ITGBL1: variants seen among roughly 807,000 people sequenced by gnomAD.
ITGBL1 encodes the protein integrin beta-like protein 1.
In ITGBL1, 51 loss-of-function variants were observed where a neutral mutation model predicts 68.5. The observed-to-expected ratio is 0.74, with a 90% CI of 0.59 to 0.94. The LOEUF is 0.94. Ranked by LOEUF, ITGBL1 falls within the 40% of genes least tolerant of loss-of-function variation. The pLI is 0.00. For missense variants in ITGBL1, 649 were observed against 647.4 expected, an observed-to-expected ratio of 1.00 and a Z score of -0.03; for synonymous variants, 209 against 227.3, an observed-to-expected ratio of 0.92 and a Z score of 0.72.
rs1250356017 is a variant in ITGBL1, at chr13:101,692,712, T to C, written c.1132+11T>C. On this transcript the variant is annotated intron_variant, in intron 8 of 10. Coordinates refer to ENST00000376180, the MANE Select transcript of ITGBL1 (RefSeq NM_004791.3). ...GTGTGGTCTGTGGAGGTAGTAACCT[T>C]TCTCATAGCTGTATGCTACCTGCAT... The C allele has an allele frequency of 6.4e-7, 1 of 1,552,698 alleles. No homozygotes were observed. The highest frequency in any genetic ancestry group is 8.9e-7 in the Non-Finnish European group (1 of 1,124,272).
At chr13:101,533,040 C>T (rs568371491) in intron 2 of ITGBL1, among the ~76,000 whole-genome samples, 5 of 152,278 alleles carry the variant, frequency 3.3e-5, no homozygotes, top group Non-Finnish European at 7.4e-5. Flanking sequence ...ATAGGACATA[C>T]TTCTAGGATT....
chr13:101,626,743 T>C (rs1481952878), intron 7 of ITGBL1, among the ~76,000 whole-genome samples: 1 of 152,236 alleles, frequency 6.6e-6, no homozygotes, highest in Non-Finnish European at 1.5e-5. Context: ...TTTTTATTGA[T>C]GTTAATGTGC....
chr13:101,491,785 C>T (rs1044743435), intron 2 of ITGBL1, among the ~76,000 whole-genome samples: 2 of 152,078 alleles, frequency 1.3e-5, no homozygotes, highest in Non-Finnish European at 2.9e-5. Flanking sequence ...AGCCCTCCAC[C>T]CCCTGACAGG....
intron 7 of ITGBL1, among the ~76,000 whole-genome samples, chr13:101,671,433 T>TTTG (rs1555365700): frequency 1.1e-4 from 8 of 71,780 alleles, no homozygotes; most frequent in Non-Finnish European, 1.7e-4. Context: ...TTTGTTTTTT[T>TTTG]TTTGTTTTTT....
In ITGBL1 at chr13:101,453,963, C is replaced by T; in HGVS notation, c.179C>T (p.Ala60Val). The change falls in exon 2 of 11, where the codon GCC (alanine) becomes GTC (valine). Residue 60 changes from alanine to valine, a missense_variant. Ala to Val is a moderately conservative substitution (Grantham distance 64, BLOSUM62 0). Coordinates refer to ENST00000376180, the MANE Select transcript of ITGBL1 (RefSeq NM_004791.3). ...RCRAPGQPPG[A>V]ALCHGRGRCD... ...CGCGCACCTGGGCAGCCCCCGGGGG[C>T]CGCGCTGTGCCACGGCCGGGGCCGC... The T allele has an allele frequency of 1.3e-6, 2 of 1,509,800 alleles. No individual in the cohort carries two copies. Among genetic ancestry groups the T allele is most frequent in the Admixed American group, 2.1e-5 (1 of 47,512 alleles). The allele number at this position is 1,509,800 out of a possible 1,614,324, so 93.5% of individuals were successfully genotyped here. A position where few individuals can be genotyped will look rare whatever the true frequency, so the allele number is the denominator to read the frequency against.
At position 101,716,021 on chromosome 13, in the gene ITGBL1, C is replaced by T. The variant is rs1223500213; in HGVS notation, c.*367C>T. On this transcript the variant is annotated 3_prime_UTR_variant, in exon 11 of 11. Coordinates refer to ENST00000376180, the MANE Select transcript of ITGBL1 (RefSeq NM_004791.3). ...AGGCCAGGGATGCTGCTGAGCATCC[C>T]GCAGTGTACAGGACAGCCCCCAAAC... is the stretch of plus-strand genomic sequence containing the variant. 1.7e-5 allele frequency: 4 copies of T among 231,986 alleles called. No individual in the cohort carries two copies. The highest frequency in any genetic ancestry group is 1.1e-4 in the East Asian group (1 of 9,272). The allele number at this position is 231,986 out of a possible 1,614,324, so 14.4% of individuals were successfully genotyped here. A position where few individuals can be genotyped will look rare whatever the true frequency, so the allele number is the denominator to read the frequency against.
intron 6 of ITGBL1, among the ~76,000 whole-genome samples, chr13:101,586,054 C>A (rs1036640661): frequency 6.6e-6 from 1 of 152,072 alleles, no homozygotes; most frequent in African/African-American, 2.4e-5. Context: ...ACACTTCAAT[C>A]CTCGTGTAAG....
chr13:101,687,027 T>C (rs949838991), intron 7 of ITGBL1, among the ~76,000 whole-genome samples: 1 of 152,126 alleles, frequency 6.6e-6, no homozygotes, highest in African/African-American at 2.4e-5. Context: ...ATTGTGACCT[T>C]TTAGTTTTAT....
chr13:101,614,992 T>A (rs1184641412), intron 7 of ITGBL1, among the ~76,000 whole-genome samples: 1 of 152,118 alleles, frequency 6.6e-6, no homozygotes, highest in African/African-American at 2.4e-5. Context: ...GACCACATAT[T>A]TGATGGCTGA....
intron 2 of ITGBL1, among the ~76,000 whole-genome samples, chr13:101,456,228 A>AT (rs1291278394): frequency 6.6e-6 from 1 of 152,120 alleles, no homozygotes; most frequent in Non-Finnish European, 1.5e-5. Context: ...AATGAAGTTC[A>AT]TTTTTTATTC....
chr13:101,586,553 G>A (rs2050561327), intron 6 of ITGBL1, among the ~76,000 whole-genome samples: 1 of 152,164 alleles, frequency 6.6e-6, no homozygotes, highest in Admixed American at 6.6e-5. Context: ...TAGTTTAGCA[G>A]AAGAGAAAAT....
intron 8 of ITGBL1, among the ~76,000 whole-genome samples, chr13:101,696,025 G>A (rs994312115): frequency 3.7e-4 from 57 of 152,274 alleles, no homozygotes; most frequent in African/African-American, 1.3e-3. Context: ...CCTGTTGGGC[G>A]TGCGACTTCT....
intron 7 of ITGBL1, among the ~76,000 whole-genome samples, chr13:101,623,955 A>G (rs1050422450): frequency 2.6e-5 from 4 of 152,206 alleles, no homozygotes; most frequent in African/African-American, 9.6e-5. Flanking sequence ...AAATTTTGTA[A>G]GCATTCCATT....
At chr13:101,715,368 T>C in intron 10 of ITGBL1, 195 bp from the exon 11 acceptor site, 1 of 569,524 alleles carries the variant, frequency 1.8e-6, no homozygotes, top group South Asian at 2.1e-5. Flanking sequence ...ACCAAATAAA[T>C]GCCACTAATT....
chr13:101,485,776 C>T (rs7319974), intron 2 of ITGBL1, among the ~76,000 whole-genome samples: 1 of 151,468 alleles, frequency 6.6e-6, no homozygotes, highest in Non-Finnish European at 1.5e-5. Flanking sequence ...TGGTCAACAG[C>T]GCGAGACTCT....
At chr13:101,549,238 A>T (rs1484938901) in intron 2 of ITGBL1, among the ~76,000 whole-genome samples, 1 of 151,988 alleles carries the variant, frequency 6.6e-6, no homozygotes, top group Non-Finnish European at 1.5e-5. Context: ...TTTTATGGAC[A>T]TACGATAACC....
chr13:101,453,065 C>A, intron 1 of ITGBL1, 134 bp downstream of exon 1: 1 of 676,580 alleles, frequency 1.5e-6, no homozygotes, highest in South Asian at 1.8e-5. Flanking sequence ...CAACCTGTTC[C>A]TTTTCCTCTC....
chr13:101,569,025 AAC>A (rs112814235), intron 3 of ITGBL1, among the ~76,000 whole-genome samples: 2,948 of 103,584 alleles, frequency 0.028, 30 homozygotes, highest in African/African-American at 0.034. Flanking sequence ...CACCCCTCCA[AAC>A]ACACACACAC....
intron 6 of ITGBL1, among the ~76,000 whole-genome samples, chr13:101,588,334 G>C (rs2050594494): frequency 7.7e-6 from 1 of 129,912 alleles, no homozygotes; most frequent in Non-Finnish European, 1.7e-5. Flanking sequence ...TGTACATACA[G>C]AGAGATCTTT....
Sources: gnomAD v4.1 joint callset for allele counts (sites outside exome capture counted in the v4.1 genomes callset) on GRCh38, gnomAD v4.1.1 for gene constraint, MANE v1.5 for transcripts, NCBI Gene and HGNC (gene_info 2026-07-23, HGNC 2026-07-21) for gene names.